The following ZEB2 variants were observed in gnomAD, a reference collection of about 807,000 sequenced individuals.
The protein encoded by ZEB2 is zinc finger E-box binding homeobox 2, also known as zinc finger E-box-binding homeobox 2.
In ZEB2, 6 loss-of-function variants were observed where a neutral mutation model predicts 99.9. The observed-to-expected ratio is 0.06, with a 90% confidence interval of 0.03 to 0.12. The LOEUF (loss-of-function observed/expected upper bound fraction) is 0.12. Ranked by LOEUF, ZEB2 falls within the 10% of genes least tolerant of loss-of-function variation. ZEB2 has a pLI of 1.00. For missense variants in ZEB2, 969 were observed against 1,502.8 expected (o/e 0.64, Z 5.87); for synonymous variants, 517 against 542.5 (o/e 0.95, Z 0.65).
rs115026629 is a variant in ZEB2 at position 144,393,645 on chromosome 2, C to T, written c.3067+2767G>A. On this transcript the variant is annotated intron_variant, in intron 9 of 9. Coordinates refer to ENST00000627532, the MANE Select transcript of ZEB2 (RefSeq NM_014795.4). Reference sequence around the variant, plus strand: ...ATGGACTAAATTTCCACATACATCACATCAATAGAAAATCCATGAAGAACT... The same window carrying T: ...ATGGACTAAATTTCCACATACATCATATCAATAGAAAATCCATGAAGAACT... Among the ~76,000 whole-genome samples the T allele has an allele frequency of 1.9e-3, 287 of 152,252 alleles. 1 individual carries two copies. The highest frequency in any genetic ancestry group is 6.8e-3 in the African/African-American group (284 of 41,554).
intron 1 of ZEB2, 62 bp from the exon 2 acceptor site, chr2:144,517,481 C>CGCCCAGGGGAGCCGGGCCAGG (rs1705176819): frequency 1.7e-6 from 2 of 1,166,772 alleles, no homozygotes; most frequent in African/African-American, 1.5e-5. Flanking sequence ...GCGCGCGGGC[C>CGCCCAGGGGAGCCGGGCCAGG]GCCCAGGGGA....
intron 2 of ZEB2, among the ~76,000 whole-genome samples, chr2:144,497,325 C>T (rs1057033959): frequency 3.3e-5 from 5 of 152,180 alleles, no homozygotes; most frequent in African/African-American, 1.2e-4. Context: ...AGACAGCAAG[C>T]TCCTCAGGGG....
rs143648355 is a variant in ZEB2 at position 144,387,045 on chromosome 2, G to GTATATATATA, written c.*2396_*2405dup. On this transcript the variant is annotated 3_prime_UTR_variant, in exon 10 of 10. Transcript: ENST00000627532. Reference sequence around the variant, plus strand: ...ATCCTTTCTGTGTATGTGTGTGTGTGTATATATATATATATATACACACAC... The same window carrying GTATATATATA: ...ATCCTTTCTGTGTATGTGTGTGTGTGTATATATATATATATATATATATATATACACACAC... 2 of 139,478 alleles carry GTATATATATA rather than the reference G, an allele frequency of 1.4e-5. No homozygotes were observed. The highest frequency in any genetic ancestry group is 5.3e-5 in the African/African-American group (2 of 37,880). The allele number at this position is 139,478 out of a possible 1,614,324, so 8.6% of individuals were successfully genotyped here.
chr2:144,458,828 A>T (rs1486784491), intron 2 of ZEB2, among the ~76,000 whole-genome samples: 1 of 152,214 alleles, frequency 6.6e-6, no homozygotes, highest in Admixed American at 6.5e-5. Flanking sequence ...CCAGGTGGAA[A>T]TGCTTTCAGC....
At chr2:144,455,925 A>G (rs911444604) in intron 2 of ZEB2, among the ~76,000 whole-genome samples, 2 of 152,162 alleles carry the variant, frequency 1.3e-5, no homozygotes, top group African/African-American at 4.8e-5. Flanking sequence ...AGAATCACAT[A>G]ATCTTAAAAA....
At chr2:144,469,410 T>C (rs1704323440) in intron 2 of ZEB2, among the ~76,000 whole-genome samples, 1 of 152,132 alleles carries the variant, frequency 6.6e-6, no homozygotes, top group Non-Finnish European at 1.5e-5. Flanking sequence ...CTGATATAAA[T>C]ACCATCAGCC....
intron 2 of ZEB2, among the ~76,000 whole-genome samples, chr2:144,498,007 A>ATG (rs1316875712): frequency 0.015 from 28 of 1,872 alleles, 9 homozygotes; most frequent in Middle Eastern, 0.12. Flanking sequence ...ATATTATATA[A>ATG]TATATTAATA....
At chr2:144,422,494 A>G (rs1200205825) in intron 4 of ZEB2, among the ~76,000 whole-genome samples, 3 of 152,108 alleles carry the variant, frequency 2.0e-5, no homozygotes, top group Non-Finnish European at 4.4e-5. Flanking sequence ...ACTCTCTCTC[A>G]CTTCTGTAAT....
chr2:144,443,568 G>A (rs1399231366), intron 2 of ZEB2, among the ~76,000 whole-genome samples: 1 of 152,180 alleles, frequency 6.6e-6, no homozygotes, highest in Non-Finnish European at 1.5e-5. Context: ...AACCTGAGTT[G>A]TAATTATGGA....
At chr2:144,440,522 T>TACA (rs1560625318) in intron 2 of ZEB2, among the ~76,000 whole-genome samples, 140 of 11,676 alleles carry the variant, frequency 0.012, 4 homozygotes, top group African/African-American at 0.021. Flanking sequence ...TATATTTTTT[T>TACA]TTTTTTTTTT....
At chr2:144,482,302 A>G (rs141668717) in intron 2 of ZEB2, 2 of 152,056 alleles carry the variant, frequency 1.3e-5, no homozygotes, top group Non-Finnish European at 2.9e-5. Flanking sequence ...GACGCATTTC[A>G]TTTTTCACCT....
At chr2:144,508,218 G>C (rs1306038917) in intron 2 of ZEB2, among the ~76,000 whole-genome samples, 2 of 152,108 alleles carry the variant, frequency 1.3e-5, no homozygotes, top group Non-Finnish European at 2.9e-5. Context: ...CCTTGTATAC[G>C]GGCGTTTGTT....
intron 2 of ZEB2, among the ~76,000 whole-genome samples, chr2:144,445,265 C>CTTTT (rs11287771): frequency 8.9e-4 from 66 of 74,122 alleles, no homozygotes; most frequent in Non-Finnish European, 1.2e-3. Context: ...CTTTCCTCCT[C>CTTTT]TTTTTTTTTT....
At chr2:144,404,369 T>TGGGG (rs1300136448) in intron 5 of ZEB2, among the ~76,000 whole-genome samples, 4 of 62,288 alleles carry the variant, frequency 6.4e-5, no homozygotes, top group Non-Finnish European at 1.1e-4. Flanking sequence ...TTTTTTTTTT[T>TGGGG]GGGGGGGTGG....
chr2:144,423,354 G>A (rs34227912), intron 4 of ZEB2, among the ~76,000 whole-genome samples: 10,793 of 152,078 alleles, frequency 0.071, 432 homozygotes, highest in South Asian at 0.14. Context: ...CCATGAGTTG[G>A]GACATTATAG....
At chr2:144,460,730 CAG>C (rs1316030651) in intron 2 of ZEB2, among the ~76,000 whole-genome samples, 1 of 152,044 alleles carries the variant, frequency 6.6e-6, no homozygotes, top group African/African-American at 2.4e-5. Flanking sequence ...AAATTACTAG[CAG>C]AGACTCTAAA....
chr2:144,492,509 G>C (rs1216533375), intron 2 of ZEB2, among the ~76,000 whole-genome samples: 4 of 152,144 alleles, frequency 2.6e-5, no homozygotes, highest in Non-Finnish European at 5.9e-5. Flanking sequence ...GAGAAGCAGA[G>C]ATGCAGTTAG....
At position 144,411,262 on chromosome 2, in the gene ZEB2, T is replaced by C. The variant is rs1317229218; in HGVS notation, c.404-6238A>G. ...AGGGACCTGAAGAAGCAATTACAAA[T>C]CTAGGTAACTGTATTTATCATCTTT... On this transcript the variant is annotated intron_variant, in intron 4 of 9. Transcript: ENST00000627532. Among the ~76,000 whole-genome samples the C allele has an allele frequency of 2.6e-5, 4 of 151,750 alleles. No homozygotes were observed. In the East Asian group the frequency reaches 7.7e-4, roughly 29 times the overall value.
intron 2 of ZEB2, among the ~76,000 whole-genome samples, chr2:144,494,076 C>T (rs1474317089): frequency 1.0e-4 from 14 of 133,848 alleles, no homozygotes; most frequent in South Asian, 7.3e-4. Context: ...GGCCTGAACC[C>T]GGGAGGCGGA....
Sources: allele counts gnomAD v4.1 joint callset (sites outside exome capture counted in the v4.1 genomes callset), GRCh38; gene constraint gnomAD v4.1.1; transcripts MANE v1.5; gene names NCBI Gene and HGNC (gene_info 2026-07-23, HGNC 2026-07-21).